The following MAP1LC3B2 variants were observed in gnomAD, a reference collection of about 807,000 sequenced individuals.
MAP1LC3B2 encodes the protein microtubule associated protein 1 light chain 3 beta 2.
For synonymous variants in MAP1LC3B2, 62 were observed against 57.8 expected, an observed-to-expected ratio of 1.07 and a Z score of -0.33; for missense variants, 155 against 154.6, an observed-to-expected ratio of 1.00 and a Z score of -0.01.
intron 1 of MAP1LC3B2, chr12:116,560,207 T>TAC (rs1203878434): frequency 3.8e-4 from 20 of 53,166 alleles, no homozygotes; most frequent in African/African-American, 1.4e-3. Flanking sequence ...TATATATATA[T>TAC]ATATATATAT....
At chr12:116,565,545 T>C (rs1422024483) in intron 1 of MAP1LC3B2, among the ~76,000 whole-genome samples, 1 of 152,188 alleles carries the variant, frequency 6.6e-6, no homozygotes, top group Non-Finnish European at 1.5e-5. Flanking sequence ...CAATTCAAGA[T>C]GGGATTTGGG....
chr12:116,571,350 G>A (rs1300254687), intron 1 of MAP1LC3B2, among the ~76,000 whole-genome samples: 2 of 151,180 alleles, frequency 1.3e-5, no homozygotes, highest in Non-Finnish European at 2.9e-5. Flanking sequence ...GACTACTGTT[G>A]TGCAAGAACC....
intron 1 of MAP1LC3B2, among the ~76,000 whole-genome samples, chr12:116,571,717 G>A (rs1869540128): frequency 6.6e-6 from 1 of 151,642 alleles, no homozygotes; most frequent in East Asian, 2.0e-4. Context: ...TCCTAACCTC[G>A]TGATCCGCCT....
chr12:116,575,808 A>G, intron 1 of MAP1LC3B2, 34 bp from the exon 2 acceptor site: 1 of 958,500 alleles, frequency 1.0e-6, no homozygotes, highest in Non-Finnish European at 1.6e-6. Flanking sequence ...TTCTGCCACA[A>G]CTACTCAGCT....
At position 116,576,116 on chromosome 12, in the gene MAP1LC3B2, C is replaced by A; in HGVS notation, c.174C>A (p.Val58=). The change falls in exon 2 of 2, where the codon GTC becomes GTA. Residue 58 remains valine, a synonymous_variant. Transcript: ENST00000556529. ...DKTKFLVPDH[V]NMSELIKIIR... The stretch of plus-strand genomic sequence containing the variant: ...CAAAGTTCCTTGTACCTGACCATGT[C>A]AACATGAGTGAGCTCATCAAGATAA... The A allele has an allele frequency of 6.2e-7, 1 of 1,614,196 alleles. No homozygotes were observed. The highest frequency in any genetic ancestry group is 8.5e-7 in the Non-Finnish European group (1 of 1,180,046).
At chr12:116,574,533 C>G (rs1228100906) in intron 1 of MAP1LC3B2, among the ~76,000 whole-genome samples, 4 of 151,826 alleles carry the variant, frequency 2.6e-5, no homozygotes, top group Non-Finnish European at 5.9e-5. Flanking sequence ...GTGGCCCCAG[C>G]TATTTGGGAG....
chr12:116,567,043 G>A (rs1217665172), intron 1 of MAP1LC3B2, among the ~76,000 whole-genome samples: 2 of 146,594 alleles, frequency 1.4e-5, no homozygotes, highest in South Asian at 2.2e-4. Context: ...CAAGAGAAAC[G>A]GAAAGGAAGA....
chr12:116,571,458 C>CCTTTTT (rs1869529993), intron 1 of MAP1LC3B2, among the ~76,000 whole-genome samples: 1 of 48,104 alleles, frequency 2.1e-5, no homozygotes, highest in Non-Finnish European at 3.4e-5. Context: ...GACTGCTGTT[C>CCTTTTT]TTTTTTTTTT....
chr12:116,572,735 C>G (rs1000880255), intron 1 of MAP1LC3B2, among the ~76,000 whole-genome samples: 1 of 152,192 alleles, frequency 6.6e-6, no homozygotes, highest in Non-Finnish European at 1.5e-5. Context: ...TTGTTAATAT[C>G]CACTTACTAT....
intron 1 of MAP1LC3B2, chr12:116,560,218 A>ATATATATGTATGTATATGTATG (rs1869226921): frequency 2.8e-5 from 2 of 71,184 alleles, no homozygotes; most frequent in Admixed American, 2.0e-4. Context: ...ATATATATAT[A>ATATATATGTATGTATATGTATG]TATATATATA....
At chr12:116,563,050 C>T (rs1388715640) in intron 1 of MAP1LC3B2, among the ~76,000 whole-genome samples, 3 of 152,290 alleles carry the variant, frequency 2.0e-5, no homozygotes, top group African/African-American at 7.2e-5. Flanking sequence ...CAACCCCTGC[C>T]TCCTAGGTTC....
chr12:116,562,183 G>C (rs1180475421), intron 1 of MAP1LC3B2, among the ~76,000 whole-genome samples: 1 of 152,218 alleles, frequency 6.6e-6, no homozygotes, highest in Non-Finnish European at 1.5e-5. Flanking sequence ...CCTAGGGAGA[G>C]GCTGCCTGAG....
At chr12:116,569,034 T>C (rs1869461158) in intron 1 of MAP1LC3B2, among the ~76,000 whole-genome samples, 1 of 151,978 alleles carries the variant, frequency 6.6e-6, no homozygotes, top group Non-Finnish European at 1.5e-5. Flanking sequence ...TAACTTTTTG[T>C]ATTTTTTTTA....
Position 116,560,188 on chromosome 12 carries a change from C to CCATATATATA in MAP1LC3B2, c.-102+755_-102+756insCATATATATA, listed in dbSNP as rs1491120344. The CCATATATATA allele has an allele frequency of 4.4e-4, 39 of 88,426 alleles. 2 individuals carry two copies. Among genetic ancestry groups the CCATATATATA allele is most frequent in the Non-Finnish European group, 6.7e-4 (29 of 42,984 alleles). 5.5% of individuals were successfully genotyped at this position (88,426 alleles called of 1,614,324 possible). On this transcript the variant is annotated intron_variant, in intron 1 of 1. Coordinates refer to ENST00000556529, the MANE Select transcript of MAP1LC3B2 (RefSeq NM_001085481.3). ...GGCTCTGAAATAAAGCTAAGTTTGG[C>CCATATATATA]TATATATATATATATATATATATAT...
intron 1 of MAP1LC3B2, among the ~76,000 whole-genome samples, chr12:116,570,579 G>C (rs1474357978): frequency 6.6e-6 from 1 of 152,176 alleles, no homozygotes; most frequent in Non-Finnish European, 1.5e-5. Context: ...TAGTGAGTAA[G>C]TCTCACGAGA....
At chr12:116,568,166 C>A (rs56901079) in intron 1 of MAP1LC3B2, among the ~76,000 whole-genome samples, 1 of 152,216 alleles carries the variant, frequency 6.6e-6, no homozygotes, top group Non-Finnish European at 1.5e-5. Context: ...CTGATCCTTT[C>A]AAGGCAATAG....
chr12:116,565,532 G>C (rs946279904), intron 1 of MAP1LC3B2, among the ~76,000 whole-genome samples: 1 of 152,330 alleles, frequency 6.6e-6, no homozygotes, highest in African/African-American at 2.4e-5. Flanking sequence ...AATTATGGGA[G>C]TACAATTCAA....
At chr12:116,573,763 C>T (rs1047757692) in intron 1 of MAP1LC3B2, among the ~76,000 whole-genome samples, 1 of 152,142 alleles carries the variant, frequency 6.6e-6, no homozygotes, top group Non-Finnish European at 1.5e-5. Context: ...GTGATCCACT[C>T]GCCTTGGCTG....
intron 1 of MAP1LC3B2, among the ~76,000 whole-genome samples, chr12:116,565,962 C>T (rs1869374840): frequency 6.6e-6 from 1 of 152,176 alleles, no homozygotes; most frequent in Non-Finnish European, 1.5e-5. Flanking sequence ...GCTATTTCAC[C>T]ACAAGGCTGC....
Sources: gnomAD v4.1 joint callset for allele counts (sites outside exome capture counted in the v4.1 genomes callset) on GRCh38, gnomAD v4.1.1 for gene constraint, MANE v1.5 for transcripts, NCBI Gene and HGNC (gene_info 2026-07-23, HGNC 2026-07-21) for gene names.